The following PTPRN2 variants were observed in gnomAD, a reference collection of about 807,000 sequenced individuals.
PTPRN2 encodes the protein protein tyrosine phosphatase receptor type N2, also known as receptor-type tyrosine-protein phosphatase N2.
A neutral mutation model predicts 118.8 loss-of-function variants in PTPRN2; 74 were observed. The ratio of observed to expected loss-of-function variants is 0.62; its 90% CI spans 0.52 to 0.76. The LOEUF is 0.76. Ranked by LOEUF, PTPRN2 falls within the 30% of genes least tolerant of loss-of-function variation. The pLI, the probability that PTPRN2 is intolerant of heterozygous loss-of-function variation, is 0.00. For missense variants in PTPRN2, 1,481 were observed against 1,394.4 expected (o/e 1.06, Z -0.99); for synonymous variants, 641 against 608.0 (o/e 1.05, Z -0.80).
chr7:157,699,025 C>G (rs1797943652), intron 12 of PTPRN2, among the ~76,000 whole-genome samples: 1 of 152,210 alleles, frequency 6.6e-6, no homozygotes, highest in Non-Finnish European at 1.5e-5. Flanking sequence ...CAGGTCATCT[C>G]TATTTTTGTT....
chr7:158,135,970 AG>A (rs1344053612), intron 8 of PTPRN2, among the ~76,000 whole-genome samples: 1 of 152,180 alleles, frequency 6.6e-6, no homozygotes, highest in African/African-American at 2.4e-5. Flanking sequence ...TCTTAAAGGG[AG>A]AGAAACTAAG....
At chr7:158,519,322 T>C (rs898242300) in intron 1 of PTPRN2, among the ~76,000 whole-genome samples, 8 of 152,314 alleles carry the variant, frequency 5.3e-5, no homozygotes, top group Non-Finnish European at 1.0e-4. Flanking sequence ...CAGCTATCTG[T>C]GTGAGACACT....
chr7:158,495,084 T>A (rs776014829), intron 1 of PTPRN2, among the ~76,000 whole-genome samples: 4 of 152,064 alleles, frequency 2.6e-5, no homozygotes, highest in Non-Finnish European at 5.9e-5. Context: ...CCCTACTGCC[T>A]GGAGCAGGTC....
chr7:158,183,200 T>C (rs182077808), intron 5 of PTPRN2, among the ~76,000 whole-genome samples: 2 of 152,368 alleles, frequency 1.3e-5, no homozygotes, highest in East Asian at 1.9e-4. Flanking sequence ...GGTGACTATG[T>C]TGAGATAGCA....
Position 157,608,614 on chromosome 7 carries a change from CCTAAA to C in PTPRN2, c.2345-4544_2345-4540del, listed in dbSNP as rs1802144941. Among the ~76,000 whole-genome samples the C allele has an allele frequency of 2.0e-5, 3 of 152,086 alleles. No homozygotes were observed. In the South Asian group the frequency reaches 6.2e-4, roughly 32 times the overall value. On this transcript the variant is annotated intron_variant, in intron 15 of 22. Transcript: ENST00000389418. ...ATGATGCCATCCAGTTCCCGAGTCCCCTAAAGGGCAGTTTCCTTGACGTGCGAGGC... is the reference window on the plus strand; with the variant it reads ...ATGATGCCATCCAGTTCCCGAGTCCCGGGCAGTTTCCTTGACGTGCGAGGC...
In PTPRN2 at chr7:158,015,638, T is replaced by C. The variant is rs1360876178; in HGVS notation, c.1723+65660A>G. On this transcript the variant is annotated intron_variant, in intron 11 of 22. Coordinates refer to ENST00000389418, the MANE Select transcript of PTPRN2 (RefSeq NM_002847.5). This position sits in a 1 kb window ranked among gnomAD's most constrained non-coding sequence, Gnocchi z 4.2. The stretch of plus-strand genomic sequence containing the variant: ...CACCAGCAGTTCATATTGTTAATTT[T>C]TAACTAAAGACAACTGATTTTTGCC... Among the ~76,000 whole-genome samples the C allele has an allele frequency of 1.3e-5, 2 of 152,204 alleles. No homozygotes were observed. Among genetic ancestry groups the C allele is most frequent in the African/African-American group, 4.8e-5 (2 of 41,438 alleles).
At chr7:158,370,064 A>T (rs1198019229) in intron 2 of PTPRN2, among the ~76,000 whole-genome samples, 2 of 152,140 alleles carry the variant, frequency 1.3e-5, no homozygotes, top group African/African-American at 4.8e-5. Flanking sequence ...GACGATGGGA[A>T]CGAGGTGATC....
chr7:158,402,235 C>T (rs1445292023), intron 2 of PTPRN2, among the ~76,000 whole-genome samples: 1 of 152,170 alleles, frequency 6.6e-6, no homozygotes, highest in Non-Finnish European at 1.5e-5. Context: ...GACACAGGAC[C>T]AGGGTATACA....
At chr7:157,932,734 G>A (rs938658533) in intron 11 of PTPRN2, among the ~76,000 whole-genome samples, 12 of 137,394 alleles carry the variant, frequency 8.7e-5, no homozygotes, top group East Asian at 4.8e-4. Context: ...TGAGTCACTC[G>A]GACAGTTTTA....
chr7:157,747,424 T>C (rs796279296), intron 12 of PTPRN2, among the ~76,000 whole-genome samples: 1,533 of 19,532 alleles, frequency 0.078, 30 homozygotes, highest in Admixed American at 0.13. Flanking sequence ...TCCCTGAGCT[T>C]TGGGCTGTCC....
intron 3 of PTPRN2, among the ~76,000 whole-genome samples, chr7:158,212,775 C>T (rs1827697419): frequency 6.6e-6 from 1 of 152,088 alleles, no homozygotes; most frequent in Non-Finnish European, 1.5e-5. Context: ...TTTGTTCTTC[C>T]TAACAAAATC....
rs369826127 is a variant in PTPRN2, at chr7:157,995,165, C to T, written c.1723+86133G>A. 1.3e-3 allele frequency among the ~76,000 whole-genome samples: 190 copies of T among 148,756 alleles called. 1 individual carries two copies. Among genetic ancestry groups the T allele is most frequent in the South Asian group, 0.012 (56 of 4,580 alleles). On this transcript the variant is annotated intron_variant, in intron 11 of 22. Coordinates refer to ENST00000389418, the MANE Select transcript of PTPRN2 (RefSeq NM_002847.5). Reference sequence around the variant, plus strand: ...TTACAACTCCTTGTTCCTAAATCAACGCCACGTCCCCAGCTTACAACTCCT... The same window carrying T: ...TTACAACTCCTTGTTCCTAAATCAATGCCACGTCCCCAGCTTACAACTCCT...
intron 1 of PTPRN2, among the ~76,000 whole-genome samples, chr7:158,515,549 C>T (rs1823491296): frequency 6.6e-6 from 1 of 152,144 alleles, no homozygotes; most frequent in African/African-American, 2.4e-5. Context: ...AGACCAGTTT[C>T]CCTTCTCACT....
intron 11 of PTPRN2, among the ~76,000 whole-genome samples, chr7:157,961,115 A>G (rs1801501038): frequency 6.6e-6 from 1 of 152,264 alleles, no homozygotes; most frequent in Non-Finnish European, 1.5e-5. Flanking sequence ...AACACTCTTG[A>G]AGGAAATATG....
rs149278236 is a variant in PTPRN2 at position 158,461,756 on chromosome 7, G to T, written c.163+27979C>A. On this transcript the variant is annotated intron_variant, in intron 2 of 22. Coordinates refer to ENST00000389418, the MANE Select transcript of PTPRN2 (RefSeq NM_002847.5). ...GGCTGACTGCACTGTTCCCTGCTAT[G>T]CTTGGTCATATGGGTTGTTTTAAAG... 4.7e-3 allele frequency among the ~76,000 whole-genome samples: 719 copies of T among 152,310 alleles called. 4 individuals carry two copies. Among genetic ancestry groups the T allele is most frequent in the African/African-American group, 0.016 (676 of 41,576 alleles).
intron 2 of PTPRN2, among the ~76,000 whole-genome samples, chr7:158,489,453 A>T (rs554915748): frequency 7.9e-5 from 12 of 152,338 alleles, no homozygotes; most frequent in East Asian, 1.9e-4. Context: ...TCTCAAAAAA[A>T]TTTTTTAAAA....
chr7:158,412,746 C>A (rs1398557664), intron 2 of PTPRN2, among the ~76,000 whole-genome samples: 1 of 135,454 alleles, frequency 7.4e-6, no homozygotes, highest in Non-Finnish European at 1.6e-5. Context: ...AGCACCAGGG[C>A]CCAGCTCAGC....
chr7:157,761,102 T>C (rs1202188385), intron 12 of PTPRN2, among the ~76,000 whole-genome samples: 72 of 150,530 alleles, frequency 4.8e-4, no homozygotes, highest in African/African-American at 1.6e-3. Flanking sequence ...TAAAAGAGGA[T>C]ACAAACAAAT....
chr7:158,112,740 A>C (rs2150373377), intron 9 of PTPRN2, among the ~76,000 whole-genome samples: 1 of 151,982 alleles, frequency 6.6e-6, no homozygotes, highest in East Asian at 1.9e-4. Flanking sequence ...CGGGGCATCC[A>C]GGCTGGGTGC....
Sources: gnomAD v4.1 joint callset for allele counts (sites outside exome capture counted in the v4.1 genomes callset) on GRCh38, gnomAD v4.1.1 for gene constraint, Gnocchi (gnomAD v3.1) non-coding constraint, MANE v1.5 for transcripts, NCBI Gene and HGNC (gene_info 2026-07-23, HGNC 2026-07-21) for gene names.